Variants in TSHZ2 observed in about 807,000 individuals in gnomAD.
TSHZ2 encodes the protein teashirt homolog 2.
A neutral mutation model predicts 74.4 loss-of-function variants in TSHZ2; 21 were observed. The ratio of observed to expected loss-of-function variants is 0.28; its 90% CI spans 0.20 to 0.41. The LOEUF (loss-of-function observed/expected upper bound fraction) is 0.41, where lower values mean the gene tolerates loss of function less well. Ranked by LOEUF, TSHZ2 falls within the 10% of genes least tolerant of loss-of-function variation. TSHZ2 has a pLI of 1.00. For missense variants in TSHZ2, 1,244 were observed against 1,293.5 expected, an observed-to-expected ratio of 0.96 and a Z score of 0.59; for synonymous variants, 540 against 515.3, an observed-to-expected ratio of 1.05 and a Z score of -0.65.
chr20:53,176,080 T>C (rs1988330400), intron 1 of TSHZ2, among the ~76,000 whole-genome samples: 1 of 152,260 alleles, frequency 6.6e-6, no homozygotes, highest in South Asian at 2.1e-4. Context: ...AATTCCCTCC[T>C]TGCTCTTTCA....
chr20:53,472,770 C>T (rs915052069), intron 2 of TSHZ2, among the ~76,000 whole-genome samples: 1 of 150,770 alleles, frequency 6.6e-6, no homozygotes, highest in Non-Finnish European at 1.5e-5. Context: ...TAGGGAGTGG[C>T]AGACAGTGGG....
intron 1 of TSHZ2, among the ~76,000 whole-genome samples, chr20:53,134,739 TATG>T (rs1256317391): frequency 6.6e-6 from 1 of 152,212 alleles, no homozygotes; most frequent in Non-Finnish European, 1.5e-5. Flanking sequence ...GATCACATTA[TATG>T]ATATTTGCTG....
intron 2 of TSHZ2, among the ~76,000 whole-genome samples, chr20:53,461,172 G>A (rs1423809555): frequency 2.7e-5 from 4 of 150,598 alleles, no homozygotes; most frequent in South Asian, 2.1e-4. Flanking sequence ...ATCTCAGACT[G>A]CTGTGCTAGC....
At chr20:53,392,178 G>A (rs957942904) in intron 2 of TSHZ2, among the ~76,000 whole-genome samples, 1 of 152,178 alleles carries the variant, frequency 6.6e-6, no homozygotes, top group Admixed American at 6.5e-5. Context: ...TTCTAGGCCA[G>A]GTGCAGTGGC....
chr20:53,088,957 G>A (rs1271557363), intron 1 of TSHZ2, among the ~76,000 whole-genome samples: 2 of 152,012 alleles, frequency 1.3e-5, no homozygotes, highest in South Asian at 2.1e-4. Context: ...TGCATTCTTC[G>A]GCTGGCTCAG....
At chr20:53,035,706 T>TC (rs2123076682) in intron 1 of TSHZ2, among the ~76,000 whole-genome samples, 1 of 152,326 alleles carries the variant, frequency 6.6e-6, no homozygotes, top group African/African-American at 2.4e-5. Context: ...CAGGGAGCTT[T>TC]CAGTTTAATG....
At chr20:53,030,972 T>A (rs1983613378) in intron 1 of TSHZ2, among the ~76,000 whole-genome samples, 3 of 152,246 alleles carry the variant, frequency 2.0e-5, no homozygotes, top group Admixed American at 2.0e-4. Context: ...TTATTTAACC[T>A]ATTAACTTCG....
intron 1 of TSHZ2, among the ~76,000 whole-genome samples, chr20:53,038,519 A>G (rs953268433): frequency 6.6e-6 from 1 of 152,118 alleles, no homozygotes; most frequent in African/African-American, 2.4e-5. Flanking sequence ...CACAGGAGAA[A>G]TGGATCTGAA....
intron 2 of TSHZ2, among the ~76,000 whole-genome samples, chr20:53,369,428 C>T (rs1233644718): frequency 6.6e-6 from 1 of 151,768 alleles, no homozygotes; most frequent in Non-Finnish European, 1.5e-5. Context: ...CTGAGGAGGC[C>T]GAGCGCTGTG....
At chr20:53,157,406 G>GA (rs1555831029) in intron 1 of TSHZ2, among the ~76,000 whole-genome samples, 1 of 134,836 alleles carries the variant, frequency 7.4e-6, no homozygotes, top group Non-Finnish European at 1.6e-5. Flanking sequence ...CATTGAGTTG[G>GA]TTTTTTTTTT....
intron 1 of TSHZ2, among the ~76,000 whole-genome samples, chr20:53,051,908 A>G (rs1984481826): frequency 6.6e-6 from 1 of 152,246 alleles, no homozygotes; most frequent in South Asian, 2.1e-4. Flanking sequence ...GTGAAAACCG[A>G]GGCAGCTGTT....
chr20:53,181,684 T>C (rs750370395), intron 1 of TSHZ2, among the ~76,000 whole-genome samples: 6 of 152,052 alleles, frequency 3.9e-5, no homozygotes, highest in Non-Finnish European at 8.8e-5. Flanking sequence ...GTCAGGAGAT[T>C]GAGACCATCC....
In TSHZ2 at chr20:53,146,368, C is replaced by T. The variant is rs182766536; in HGVS notation, c.41-107131C>T. ...TAGACGGAGCCTAAATTGGTGCCCG[C>T]ACCTCACACTAATCATGCCCAGAGA... On this transcript the variant is annotated intron_variant, in intron 1 of 2. Coordinates refer to ENST00000371497, the MANE Select transcript of TSHZ2 (RefSeq NM_173485.6). Among the ~76,000 whole-genome samples the T allele has an allele frequency of 5.4e-4, 82 of 152,098 alleles. No individual in the cohort carries two copies. In the Middle Eastern group the frequency reaches 0.014, roughly 25 times the overall value.
At chr20:53,296,075 A>G (rs1354507326) in intron 2 of TSHZ2, among the ~76,000 whole-genome samples, 1 of 148,788 alleles carries the variant, frequency 6.7e-6, no homozygotes, top group Non-Finnish European at 1.5e-5. Flanking sequence ...TTTGATGCAT[A>G]TTATTCTTGA....
chr20:53,318,650 A>G (rs1038563275), intron 2 of TSHZ2, among the ~76,000 whole-genome samples: 3 of 152,222 alleles, frequency 2.0e-5, no homozygotes, highest in African/African-American at 7.2e-5. Flanking sequence ...AAGAAGGGAC[A>G]GTTGCTAGGC....
chr20:53,251,095 G>A (rs370663598), intron 1 of TSHZ2, among the ~76,000 whole-genome samples: 8 of 152,320 alleles, frequency 5.3e-5, no homozygotes, highest in Admixed American at 6.5e-5. Context: ...CAATTGTGAT[G>A]ACAGAAAGTC....
chr20:53,488,975 T>G lies in TSHZ2; in HGVS notation c.*1840T>G, dbSNP rs1299747030. 1 of 456,012 alleles carries G rather than the reference T, an allele frequency of 2.2e-6. No homozygotes were observed. Among genetic ancestry groups the G allele is most frequent in the Non-Finnish European group, 4.4e-6 (1 of 226,874 alleles). The allele number at this position is 456,012 out of a possible 1,614,324, so 28.2% of individuals were successfully genotyped here. On this transcript the variant is annotated 3_prime_UTR_variant, in exon 3 of 3. Transcript: ENST00000371497. ...GCGCTTCGGGGAAGGAGGGAAAAAG[T>G]AAATGAAGTTCCAGGAATGTCATTC...
intron 2 of TSHZ2, among the ~76,000 whole-genome samples, chr20:53,307,268 C>A (rs1978583432): frequency 6.6e-6 from 1 of 152,020 alleles, no homozygotes; most frequent in Non-Finnish European, 1.5e-5. Context: ...TTCCCTGCCA[C>A]TTCCATCCCA....
intron 2 of TSHZ2, among the ~76,000 whole-genome samples, chr20:53,450,841 TAC>T (rs1984749918): frequency 6.6e-6 from 1 of 152,150 alleles, no homozygotes; most frequent in African/African-American, 2.4e-5. Context: ...TTCTTTCTAG[TAC>T]CTATGCAGGC....
Sources: allele counts gnomAD v4.1 joint callset (sites outside exome capture counted in the v4.1 genomes callset), GRCh38; gene constraint gnomAD v4.1.1; transcripts MANE v1.5; gene names NCBI Gene and HGNC (gene_info 2026-07-23, HGNC 2026-07-21).